MGAT4C: variants seen among roughly 807,000 people sequenced by gnomAD.
MGAT4C encodes alpha-1,3-mannosyl-glycoprotein 4-beta-N-acetylglucosaminyltransferase C.
MGAT4C carries 19 observed loss-of-function variants against 40.1 expected under a neutral mutation model. The observed-to-expected ratio is 0.47, with a 90% CI of 0.33 to 0.70. The LOEUF is 0.70. Ranked by LOEUF, MGAT4C falls within the 30% of genes least tolerant of loss-of-function variation. The pLI is 0.02. For missense variants in MGAT4C, 491 were observed against 563.2 expected (o/e 0.87, Z 1.30); for synonymous variants, 181 against 187.1 (o/e 0.97, Z 0.27).
At chr12:86,609,651 G>A (rs1962174884) in intron 2 of MGAT4C, among the ~76,000 whole-genome samples, 1 of 151,836 alleles carries the variant, frequency 6.6e-6, no homozygotes, top group Non-Finnish European at 1.5e-5. Flanking sequence ...CTGTTTTTCT[G>A]AAAACTCTGT....
chr12:86,205,846 T>C (rs1010979418), intron 1 of MGAT4C, among the ~76,000 whole-genome samples: 1 of 152,104 alleles, frequency 6.6e-6, no homozygotes, highest in Admixed American at 6.5e-5. Context: ...AATGGTACTT[T>C]GTGAACTTCG....
chr12:86,132,181 A>G (rs1881283048), intron 1 of MGAT4C, among the ~76,000 whole-genome samples: 1 of 152,210 alleles, frequency 6.6e-6, no homozygotes, highest in Admixed American at 6.5e-5. Flanking sequence ...GTATTCAATG[A>G]GTACTCAATA....
At chr12:86,338,244 G>C (rs941730481) in intron 3 of MGAT4C, among the ~76,000 whole-genome samples, 6 of 152,116 alleles carry the variant, frequency 3.9e-5, no homozygotes, top group African/African-American at 7.2e-5. Flanking sequence ...AAGTCATAGG[G>C]AGTCAAAGCT....
intron 4 of MGAT4C, among the ~76,000 whole-genome samples, chr12:86,263,509 CA>C (rs947347736): frequency 3.9e-5 from 6 of 152,096 alleles, no homozygotes; most frequent in African/African-American, 1.4e-4. Flanking sequence ...GTCATAATTT[CA>C]TATTTTTTTG....
intron 1 of MGAT4C, among the ~76,000 whole-genome samples, chr12:86,243,427 CT>C (rs1349069014): frequency 6.6e-6 from 1 of 152,186 alleles, no homozygotes; most frequent in Non-Finnish European, 1.5e-5. Flanking sequence ...ATTCCCTCCC[CT>C]TGAGTGTGGG....
intron 2 of MGAT4C, among the ~76,000 whole-genome samples, chr12:86,575,486 C>T (rs1960524810): frequency 6.6e-6 from 1 of 151,820 alleles, no homozygotes; most frequent in African/African-American, 2.4e-5. Context: ...CTGTGCCTGG[C>T]TTATTGCAAC....
intron 3 of MGAT4C, among the ~76,000 whole-genome samples, chr12:86,430,585 T>C (rs752855750): frequency 3.9e-5 from 6 of 152,026 alleles, no homozygotes; most frequent in Non-Finnish European, 7.4e-5. Context: ...GGCTATAAAG[T>C]GGAGTTGCTG....
intron 1 of MGAT4C, among the ~76,000 whole-genome samples, chr12:86,738,384 C>T (rs1951016399): frequency 6.6e-6 from 1 of 151,354 alleles, no homozygotes; most frequent in Non-Finnish European, 1.5e-5. Context: ...GTATCACTTG[C>T]TACTATTCAA....
intron 1 of MGAT4C, among the ~76,000 whole-genome samples, chr12:86,245,849 G>A (rs1471350758): frequency 1.3e-5 from 2 of 152,036 alleles, no homozygotes; most frequent in Non-Finnish European, 2.9e-5. Flanking sequence ...TTTTTTCTAA[G>A]TAAATCAAAA....
chr12:86,001,647 T>G (rs1887311244), intron 2 of MGAT4C: 1 of 984,000 alleles, frequency 1.0e-6, no homozygotes, highest in African/African-American at 1.7e-5. Flanking sequence ...TTAGTCCTGT[T>G]TCTTTTTGTA....
chr12:86,218,382 T>C (rs1237030243), intron 1 of MGAT4C, among the ~76,000 whole-genome samples: 1 of 152,188 alleles, frequency 6.6e-6, no homozygotes, highest in Admixed American at 6.5e-5. Context: ...ATATTTTTTA[T>C]TGTTGTCAAA....
At chr12:86,358,842 C>G (rs1328899821) in intron 3 of MGAT4C, among the ~76,000 whole-genome samples, 1 of 152,110 alleles carries the variant, frequency 6.6e-6, no homozygotes, top group African/African-American at 2.4e-5. Flanking sequence ...CCTTAGAGAC[C>G]TACAAAGAGA....
At chr12:86,495,383 T>C (rs1592917429) in intron 2 of MGAT4C, 1 of 152,136 alleles carries the variant, frequency 6.6e-6, no homozygotes, top group East Asian at 1.9e-4. Context: ...ATAGGAATTA[T>C]ACCTATCAGA....
intron 2 of MGAT4C, among the ~76,000 whole-genome samples, chr12:86,680,688 C>T (rs538177354): frequency 3.9e-5 from 6 of 152,018 alleles, no homozygotes; most frequent in South Asian, 2.1e-4. Context: ...CTAATTTTTC[C>T]GATGTGGAAG....
At chr12:86,461,194 G>A (rs1957593632) in intron 2 of MGAT4C, among the ~76,000 whole-genome samples, 1 of 150,910 alleles carries the variant, frequency 6.6e-6, no homozygotes, top group African/African-American at 2.4e-5. Context: ...CCAATGTAGG[G>A]AAGCCAAATA....
chr12:86,195,615 A>G (rs775591112), intron 1 of MGAT4C, among the ~76,000 whole-genome samples: 12 of 152,176 alleles, frequency 7.9e-5, no homozygotes, highest in Admixed American at 7.9e-4. Flanking sequence ...ACACACAGAT[A>G]TAGGTATTTA....
At chr12:86,354,590 A>AATTAAAAAT (rs1955264566) in intron 3 of MGAT4C, among the ~76,000 whole-genome samples, 2 of 152,242 alleles carry the variant, frequency 1.3e-5, no homozygotes, top group Non-Finnish European at 2.9e-5. Flanking sequence ...TTAAAATGCT[A>AATTAAAAAT]TAAATAAAAA....
At chr12:86,753,466 G>T (rs914555074) in intron 1 of MGAT4C, among the ~76,000 whole-genome samples, 1 of 152,046 alleles carries the variant, frequency 6.6e-6, no homozygotes, top group African/African-American at 2.4e-5. Context: ...GTTTGGGGCT[G>T]TCAGCTCTGA....
At chr12:86,604,385 C>A (rs1170115518) in intron 2 of MGAT4C, among the ~76,000 whole-genome samples, 1 of 152,028 alleles carries the variant, frequency 6.6e-6, no homozygotes, top group Non-Finnish European at 1.5e-5. Flanking sequence ...GATGTAAGAC[C>A]CCCAAAAGGG....
Sources: allele counts gnomAD v4.1 joint callset (sites outside exome capture counted in the v4.1 genomes callset), GRCh38; gene constraint gnomAD v4.1.1; transcripts MANE v1.5; gene names NCBI Gene and HGNC (gene_info 2026-07-23, HGNC 2026-07-21).